Variants in FAT3 observed in about 807,000 individuals in gnomAD.
FAT3 encodes the protein protocadherin Fat 3.
Under a neutral mutation model 310.2 loss-of-function variants are expected in FAT3, and 95 were observed. That is an observed-to-expected ratio of 0.31 (90% CI 0.26 to 0.36). The LOEUF is 0.36. Ranked by LOEUF, FAT3 falls within the 10% of genes least tolerant of loss-of-function variation. FAT3 has a pLI of 1.00. For missense variants in FAT3, 5,408 were observed against 5,715.6 expected (o/e 0.95, Z 1.74); for synonymous variants, 2,314 against 2,192.9 (o/e 1.06, Z -1.54).
Position 92,488,580 on chromosome 11 carries a change from T to A in FAT3, c.3293-36054T>A, listed in dbSNP as rs186637285. On this transcript the variant is annotated intron_variant, in intron 2 of 27. Transcript: ENST00000525166. ...CCAGGGACCGCACTTTAAGAATCAG[T>A]TCCTAGATGTAGAGAATCCCATTAT... 1.7e-3 allele frequency among the ~76,000 whole-genome samples: 261 copies of A among 151,142 alleles called. 2 individuals are homozygous for A. The highest frequency in any genetic ancestry group is 2.8e-3 in the Non-Finnish European group (193 of 67,860).
chr11:92,422,906 G>T (rs547784814), intron 2 of FAT3, among the ~76,000 whole-genome samples: 1 of 152,228 alleles, frequency 6.6e-6, no homozygotes, highest in African/African-American at 2.4e-5. Flanking sequence ...CCAGACTAGA[G>T]GTAAATGACT....
chr11:92,708,975 T>C (rs998203327), intron 4 of FAT3, among the ~76,000 whole-genome samples: 1 of 152,192 alleles, frequency 6.6e-6, no homozygotes, highest in African/African-American at 2.4e-5. Context: ...TCCACAGTCT[T>C]TCCCTCTGGC....
chr11:92,636,159 T>C lies in FAT3; in HGVS notation c.3608-61225T>C, dbSNP rs191178409. On this transcript the variant is annotated intron_variant, in intron 3 of 27. Transcript: ENST00000525166. ...TGTATTTTTAGTAGAGATGGAGTTT[T>C]ACCATGTTGGCCAGGCTGGTCTCAA... Among the ~76,000 whole-genome samples the C allele has an allele frequency of 2.0e-5, 3 of 152,140 alleles. No individual in the cohort carries two copies. The East Asian group carries it at 5.8e-4, about 30-fold the overall frequency.
chr11:92,405,854 T>C (rs560652187), intron 2 of FAT3, among the ~76,000 whole-genome samples: 1 of 152,328 alleles, frequency 6.6e-6, no homozygotes, highest in African/African-American at 2.4e-5. Context: ...TGAGAATGGC[T>C]AGAAATTTTG....
intron 3 of FAT3, among the ~76,000 whole-genome samples, chr11:92,664,347 G>A (rs539081421): frequency 1.4e-4 from 22 of 152,162 alleles, no homozygotes; most frequent in Non-Finnish European, 2.8e-4. Flanking sequence ...AGGCAGTGAT[G>A]GTCTCATTGA....
At chr11:92,398,012 G>A (rs1438128461) in intron 2 of FAT3, among the ~76,000 whole-genome samples, 2 of 152,036 alleles carry the variant, frequency 1.3e-5, no homozygotes, top group Non-Finnish European at 2.9e-5. Flanking sequence ...GACAGTTCTG[G>A]AGGTAAGAAG....
intron 3 of FAT3, among the ~76,000 whole-genome samples, chr11:92,537,208 C>T (rs754968159): frequency 6.6e-6 from 1 of 152,080 alleles, no homozygotes; most frequent in African/African-American, 2.4e-5. Context: ...GGCCCTGAGA[C>T]CGTCTCTATC....
intron 3 of FAT3, chr11:92,559,569 A>G: frequency 4.2e-6 from 1 of 239,462 alleles, no homozygotes; most frequent in Non-Finnish European, 8.7e-6. Flanking sequence ...AATAGTTGAG[A>G]GTCTCACTAT....
chr11:92,530,388 G>A (rs1954026076), intron 3 of FAT3, among the ~76,000 whole-genome samples: 1 of 152,100 alleles, frequency 6.6e-6, no homozygotes, highest in Non-Finnish European at 1.5e-5. Context: ...AGAGACACCT[G>A]AGGACAAGAC....
At chr11:92,269,894 G>C (rs1416837948) in intron 1 of FAT3, among the ~76,000 whole-genome samples, 1 of 152,050 alleles carries the variant, frequency 6.6e-6, no homozygotes, top group South Asian at 2.1e-4. Context: ...ACATCCTCTA[G>C]GGCCACCCCA....
chr11:92,246,882 A>T lies in FAT3; in HGVS notation c.-18+21708A>T, dbSNP rs183314647. On this transcript the variant is annotated intron_variant, in intron 1 of 27. Transcript: ENST00000525166. ...AGGTTGTCAAGAGATGTGAGTCAGA[A>T]GAACATGAAATGATGTAATTTAAGA... Among the ~76,000 whole-genome samples, 9 of 152,248 alleles carry T rather than the reference A, an allele frequency of 5.9e-5. No homozygotes were observed. In the East Asian group the frequency reaches 1.5e-3, roughly 26 times the overall value.
chr11:92,616,469 C>T (rs1565459779), intron 3 of FAT3, among the ~76,000 whole-genome samples: 1 of 152,032 alleles, frequency 6.6e-6, no homozygotes, highest in Non-Finnish European at 1.5e-5. Context: ...AGCATTTAGC[C>T]CATTTACATT....
chr11:92,844,469 T>G lies in FAT3; in HGVS notation c.11102T>G (p.Met3701Arg). 1 of 1,613,954 alleles carries G rather than the reference T, an allele frequency of 6.2e-7. No individual in the cohort carries two copies. Among genetic ancestry groups the G allele is most frequent in the Non-Finnish European group, 8.5e-7 (1 of 1,179,880 alleles). The change falls in exon 19 of 28, where the codon ATG becomes AGG. Residue 3701 changes from methionine (M) to arginine (R), a missense_variant. Met to Arg is a moderately conservative substitution (Grantham distance 91). This residue lies in a region of FAT3 where 4,588 missense variants were observed against 4,809.8 expected (regional missense o/e 0.95). Coordinates refer to ENST00000525166, the MANE Select transcript of FAT3 (RefSeq NM_001367949.2). Reference sequence around the variant, plus strand: ...GTGGCAGGCACCAACCAACTGGACATGCTGTTTGCGGTGGAGATGCACAGC... The same window carrying G: ...GTGGCAGGCACCAACCAACTGGACAGGCTGTTTGCGGTGGAGATGCACAGC... ...QPVAGTNQLD[M>R]LFAVEMHSSE...
At chr11:92,725,425 A>G (rs775139246) in intron 4 of FAT3, among the ~76,000 whole-genome samples, 1 of 152,192 alleles carries the variant, frequency 6.6e-6, no homozygotes, top group Non-Finnish European at 1.5e-5. Context: ...CCATCTCCCA[A>G]CTACCTCATC....
intron 2 of FAT3, among the ~76,000 whole-genome samples, chr11:92,510,864 G>T (rs568597028): frequency 2.6e-5 from 4 of 152,330 alleles, no homozygotes; most frequent in African/African-American, 9.6e-5. Context: ...CTGTGTTGTG[G>T]GTTTTTCTTC....
At chr11:92,670,900 C>G (rs1943107519) in intron 3 of FAT3, among the ~76,000 whole-genome samples, 1 of 152,100 alleles carries the variant, frequency 6.6e-6, no homozygotes, top group African/African-American at 2.4e-5. Context: ...AGTCATGTCA[C>G]TCCTTTCCTC....
At chr11:92,742,469 A>G (rs1442554699) in intron 4 of FAT3, among the ~76,000 whole-genome samples, 1 of 152,174 alleles carries the variant, frequency 6.6e-6, no homozygotes, top group African/African-American at 2.4e-5. Context: ...CTGTTTACCT[A>G]GTGCTGTGGT....
In FAT3 at chr11:92,500,409, A is replaced by T. The variant is rs200986185; in HGVS notation, c.3293-24225A>T. On this transcript the variant is annotated intron_variant, in intron 2 of 27. Transcript: ENST00000525166. The stretch of plus-strand genomic sequence containing the variant: ...ATTAAAAATACCTGTATTTATCAGG[A>T]CAAGATTGATGCCCTAAAATGCTGG... Among the ~76,000 whole-genome samples, 4 of 151,990 alleles carry T rather than the reference A, an allele frequency of 2.6e-5. No individual in the cohort carries two copies. In the East Asian group the frequency reaches 5.8e-4, roughly 22 times the overall value.
At chr11:92,387,115 A>G (rs1390046268) in intron 2 of FAT3, among the ~76,000 whole-genome samples, 1 of 147,168 alleles carries the variant, frequency 6.8e-6, no homozygotes, top group East Asian at 2.0e-4. Flanking sequence ...TGTGTGTAAC[A>G]GAGGGAAGGA....
Sources: allele counts gnomAD v4.1 joint callset (sites outside exome capture counted in the v4.1 genomes callset), GRCh38; gene constraint gnomAD v4.1.1; regional missense constraint gnomAD v4.1.1; transcripts MANE v1.5; gene names NCBI Gene and HGNC (gene_info 2026-07-23, HGNC 2026-07-21).